VRK2: variants seen among roughly 807,000 people sequenced by gnomAD.
VRK2 encodes the protein VRK serine/threonine kinase 2, also known as serine/threonine-protein kinase VRK2.
In VRK2, 60 loss-of-function variants were observed where a neutral mutation model predicts 57.6. That is an observed-to-expected ratio of 1.04 (90% CI 0.85 to 1.29). The LOEUF is 1.29. Ranked by LOEUF, VRK2 falls within the 50% of genes most tolerant of loss-of-function variation. The probability of loss-of-function intolerance (pLI) is 0.00; values close to 1 mark genes in which losing one functional copy is unlikely to be tolerated. For synonymous variants in VRK2, 231 were observed against 199.2 expected, an observed-to-expected ratio of 1.16 and a Z score of -1.35; for missense variants, 705 against 588.1, an observed-to-expected ratio of 1.20 and a Z score of -2.06.
intron 3 of VRK2, among the ~76,000 whole-genome samples, chr2:58,036,084 C>T (rs935289462): frequency 6.6e-6 from 1 of 151,820 alleles, no homozygotes; most frequent in African/African-American, 2.4e-5. Flanking sequence ...CTAAATAAAG[C>T]GTGGTCTTTT....
intron 1 of VRK2, among the ~76,000 whole-genome samples, chr2:57,989,467 C>T (rs1672697838): frequency 6.6e-6 from 1 of 152,028 alleles, no homozygotes; most frequent in African/African-American, 2.4e-5. Context: ...AAATGTTTGC[C>T]TTAATTTTGT....
In VRK2 at chr2:58,114,292, A is replaced by C. The variant is rs60992311; in HGVS notation, c.544-8809A>C. 4.1e-3 allele frequency among the ~76,000 whole-genome samples: 606 copies of C among 149,246 alleles called. 6 individuals are homozygous for C. Among genetic ancestry groups the C allele is most frequent in the African/African-American group, 0.015 (568 of 38,690 alleles). On this transcript the variant is annotated intron_variant, in intron 7 of 12. Coordinates refer to ENST00000340157, the MANE Select transcript of VRK2 (RefSeq NM_006296.7). ...AAGAGTTTAGAGTGGCAGTTTGGGG[A>C]TAGCACCAGGAGATACCAGCTGTGA...
Position 58,062,032 on chromosome 2 carries a change from AC to A in VRK2, c.136+13068del, listed in dbSNP as rs1474276614. ...TTTTTACACACTGAAGGTTGTGGCAACCCTGCATCAACCAAATCTATTAGTG... is the reference window on the plus strand; with the variant it reads ...TTTTTACACACTGAAGGTTGTGGCAACCTGCATCAACCAAATCTATTAGTG... On this transcript the variant is annotated intron_variant, in intron 2 of 12. Coordinates refer to ENST00000340157, the MANE Select transcript of VRK2 (RefSeq NM_006296.7). Among the ~76,000 whole-genome samples the A allele has an allele frequency of 7.2e-5, 11 of 152,128 alleles. No homozygotes were observed. In the East Asian group the frequency reaches 2.1e-3, roughly 29 times the overall value.
chr2:58,084,965 C>T lies in VRK2; in HGVS notation c.256+15C>T. ...AAAAGACTGTAGTAAGTAAAATTAG[C>T]AAAGCAAGCTACTTCCATATATGTG... On this transcript the variant is annotated intron_variant, in intron 4 of 12. Transcript: ENST00000340157. 1 of 1,566,076 alleles carries T rather than the reference C, an allele frequency of 6.4e-7. No individual in the cohort carries two copies. The highest frequency in any genetic ancestry group is 2.3e-5 in the East Asian group (1 of 43,124).
chr2:57,930,749 C>A (rs1230852810), intron 1 of VRK2, among the ~76,000 whole-genome samples: 1 of 152,086 alleles, frequency 6.6e-6, no homozygotes, highest in Non-Finnish European at 1.5e-5. Flanking sequence ...ATTTCTCCCC[C>A]AGCCCACACC....
rs898062308 is a variant in VRK2, at chr2:58,099,991, T to G, written c.543+10268T>G. 1.2e-4 allele frequency among the ~76,000 whole-genome samples: 18 copies of G among 152,056 alleles called. 1 individual carries two copies. Among genetic ancestry groups the G allele is most frequent in the South Asian group, 4.1e-4 (2 of 4,828 alleles). ...TTTCTTATAGTGTTTCCAAAGTGTC[T>G]TGCCTATTGTTGTACAGTTAAGGAA... On this transcript the variant is annotated intron_variant, in intron 7 of 12. Coordinates refer to ENST00000340157, the MANE Select transcript of VRK2 (RefSeq NM_006296.7).
At chr2:58,074,618 A>G (rs1312786111) in intron 2 of VRK2, among the ~76,000 whole-genome samples, 1 of 152,138 alleles carries the variant, frequency 6.6e-6, no homozygotes, top group Non-Finnish European at 1.5e-5. Context: ...TTCATAAGCT[A>G]TAATAACTCA....
chr2:57,969,235 G>T (rs1374948881), intron 1 of VRK2, among the ~76,000 whole-genome samples: 3 of 151,970 alleles, frequency 2.0e-5, no homozygotes, highest in East Asian at 3.9e-4. Flanking sequence ...AGATGGGATG[G>T]ATAATGTATT....
chr2:57,945,516 G>T (rs979135995), intron 1 of VRK2, among the ~76,000 whole-genome samples: 56 of 152,254 alleles, frequency 3.7e-4, no homozygotes, highest in African/African-American at 1.3e-3. Context: ...AGTTTGCTGA[G>T]AAATATATTT....
At chr2:57,909,947 C>T (rs1669935339) in intron 1 of VRK2, among the ~76,000 whole-genome samples, 1 of 151,988 alleles carries the variant, frequency 6.6e-6, no homozygotes, top group Non-Finnish European at 1.5e-5. Flanking sequence ...ATCCTATAAG[C>T]CATAATAACA....
At chr2:58,010,361 A>G (rs1405294038) in intron 1 of VRK2, among the ~76,000 whole-genome samples, 6 of 152,100 alleles carry the variant, frequency 3.9e-5, no homozygotes, top group Non-Finnish European at 8.8e-5. Flanking sequence ...ACTTTTTACT[A>G]AAAATGCTGC....
chr2:57,993,753 T>C (rs1672841808), intron 1 of VRK2, among the ~76,000 whole-genome samples: 1 of 152,218 alleles, frequency 6.6e-6, no homozygotes, highest in African/African-American at 2.4e-5. Flanking sequence ...GGGGCTGAGA[T>C]CACAGAGTTC....
chr2:58,024,802 G>A (rs1231264955), intron 1 of VRK2, among the ~76,000 whole-genome samples: 2 of 152,196 alleles, frequency 1.3e-5, no homozygotes, highest in Non-Finnish European at 2.9e-5. Flanking sequence ...AATAATGCAT[G>A]CTGAAGATGC....
At chr2:57,984,014 T>C (rs560532029) in intron 1 of VRK2, among the ~76,000 whole-genome samples, 22 of 152,306 alleles carry the variant, frequency 1.4e-4, no homozygotes, top group Non-Finnish European at 2.5e-4. Flanking sequence ...ACTTCCTGCA[T>C]GGCTGATACT....
At position 58,001,614 on chromosome 2, in the gene VRK2, G is replaced by C. The variant is rs114453013; in HGVS notation, c.-438-24051G>C. The stretch of plus-strand genomic sequence containing the variant: ...AGGCGGGCTGATCACTTGAGGTGAG[G>C]AGTTTGTGACCAGCCTGCCCAACTT... On this transcript the variant is annotated intron_variant, in intron 1 of 15. Coordinates refer to the VRK2 transcript ENST00000417641. Among the ~76,000 whole-genome samples the C allele has an allele frequency of 4.4e-3, 672 of 152,156 alleles. 6 individuals carry two copies. Among genetic ancestry groups the C allele is most frequent in the African/African-American group, 0.015 (640 of 41,500 alleles).
intron 7 of VRK2, among the ~76,000 whole-genome samples, chr2:58,121,088 A>G (rs1677437085): frequency 6.6e-6 from 1 of 152,156 alleles, no homozygotes. Flanking sequence ...TAGATTCCTG[A>G]CTTCATTTTA....
intron 8 of VRK2, among the ~76,000 whole-genome samples, chr2:58,126,903 G>A (rs572538100): frequency 2.0e-5 from 3 of 152,068 alleles, no homozygotes; most frequent in South Asian, 4.2e-4. Flanking sequence ...TCAATGTGTG[G>A]TATAGATTTT....
chr2:58,131,001 T>C (rs1679114066), intron 8 of VRK2, among the ~76,000 whole-genome samples: 1 of 151,940 alleles, frequency 6.6e-6, no homozygotes, highest in Non-Finnish European at 1.5e-5. Flanking sequence ...GACTACAGCA[T>C]TTAATAGGTT....
chr2:57,921,644 G>A (rs966480198), intron 1 of VRK2, among the ~76,000 whole-genome samples: 1 of 152,076 alleles, frequency 6.6e-6, no homozygotes, highest in African/African-American at 2.4e-5. Flanking sequence ...ACAAAACTGA[G>A]TGAAATGATT....
Sources: gnomAD v4.1 joint callset for allele counts (sites outside exome capture counted in the v4.1 genomes callset) on GRCh38, gnomAD v4.1.1 for gene constraint, MANE v1.5 for transcripts, NCBI Gene and HGNC (gene_info 2026-07-23, HGNC 2026-07-21) for gene names.